LONP2: variants seen among roughly 807,000 people sequenced by gnomAD.
The protein encoded by LONP2 is lon peptidase 2, peroxisomal.
LONP2 carries 60 observed loss-of-function variants against 85.6 expected under a neutral mutation model. The observed-to-expected ratio is 0.70, with a 90% CI of 0.57 to 0.87. LONP2 has a LOEUF of 0.87. Ranked by LOEUF, LONP2 falls within the 40% of genes least tolerant of loss-of-function variation. The probability of loss-of-function intolerance (pLI) is 0.00; values close to 1 mark genes in which losing one functional copy is unlikely to be tolerated. For missense variants in LONP2, 860 were observed against 1,063.5 expected (o/e 0.81, Z 2.66); for synonymous variants, 395 against 389.7 (o/e 1.01, Z -0.16).
Position 48,327,982 on chromosome 16 carries a change from A to G in LONP2, c.1796-6234A>G, listed in dbSNP as rs1399280999. 1.3e-5 allele frequency among the ~76,000 whole-genome samples: 2 copies of G among 152,106 alleles called. 1 individual carries two copies. The highest frequency in any genetic ancestry group is 4.8e-5 in the African/African-American group (2 of 41,404). On this transcript the variant is annotated intron_variant, in intron 11 of 14. Transcript: ENST00000285737. ...TCTGTGGGATGCTGGGTAGAATGAG[A>G]TTGTAGAGAGCACTTTGTTTTCTTG...
At chr16:48,336,819 G>A (rs112491568) in intron 12 of LONP2, among the ~76,000 whole-genome samples, 1 of 152,204 alleles carries the variant, frequency 6.6e-6, no homozygotes, top group African/African-American at 2.4e-5. Context: ...GGTCACAGGG[G>A]ATATGATGGC....
intron 11 of LONP2, among the ~76,000 whole-genome samples, chr16:48,320,331 T>C (rs1973236921): frequency 1.3e-5 from 2 of 152,196 alleles, no homozygotes; most frequent in South Asian, 4.1e-4. Context: ...TTTCATCTTG[T>C]TCATTCTTAC....
chr16:48,250,692 C>T (rs951031247), intron 1 of LONP2, among the ~76,000 whole-genome samples: 2 of 152,176 alleles, frequency 1.3e-5, no homozygotes, highest in African/African-American at 4.8e-5. Flanking sequence ...GGACTGTGAG[C>T]TCTTTCAGCA....
At chr16:48,300,212 A>G (rs1972774238) in intron 10 of LONP2, among the ~76,000 whole-genome samples, 1 of 152,238 alleles carries the variant, frequency 6.6e-6, no homozygotes. Context: ...TGCTACTTTC[A>G]GATAATCTGA....
Position 48,255,872 on chromosome 16 carries a change from C to T in LONP2, c.469-738C>T, listed in dbSNP as rs367786431. On this transcript the variant is annotated intron_variant, in intron 2 of 14. Transcript: ENST00000285737. ...TCCCCAGCCATGTGGAACTGTGAGT[C>T]CATTAAACCTCTGTCTTTTATAAAT... Among the ~76,000 whole-genome samples the T allele has an allele frequency of 3.9e-5, 6 of 152,224 alleles. No homozygotes were observed. The East Asian group carries it at 1.2e-3, about 29-fold the overall frequency.
chr16:48,248,483 A>C (rs113285960), intron 1 of LONP2, among the ~76,000 whole-genome samples: 26 of 151,988 alleles, frequency 1.7e-4, no homozygotes, highest in African/African-American at 6.3e-4. Context: ...TACCTTCTTC[A>C]TGGGGTGAAG....
In LONP2 at chr16:48,258,490, A is replaced by G. The variant is rs1971809396; in HGVS notation, c.601-128A>G. ...TATAGTTCATTTGGTTGTCTTAGCC[A>G]TAGTGTAGCTTTGAATACTGTTAAT... is the stretch of plus-strand genomic sequence containing the variant. On this transcript the variant is annotated intron_variant, in intron 3 of 14. Coordinates refer to ENST00000285737, the MANE Select transcript of LONP2 (RefSeq NM_031490.5). The G allele has an allele frequency of 1.1e-5, 8 of 756,446 alleles. 1 individual carries two copies. The Middle Eastern group carries it at 1.2e-3, about 111-fold the overall frequency. 46.9% of individuals were successfully genotyped at this position (756,446 alleles called of 1,614,324 possible).
chr16:48,300,687 G>A lies in LONP2; in HGVS notation c.1661+899G>A, dbSNP rs184228388. Among the ~76,000 whole-genome samples the A allele has an allele frequency of 5.0e-3, 728 of 146,104 alleles. 4 individuals are homozygous for A. Among genetic ancestry groups the A allele is most frequent in the Non-Finnish European group, 8.9e-3 (586 of 66,096 alleles). ...TTTAGATTTATATACAAAGCAGTAA[G>A]ACTAAGTCTTACCTGGGGGTTCCTT... On this transcript the variant is annotated intron_variant, in intron 10 of 14. Coordinates refer to ENST00000285737, the MANE Select transcript of LONP2 (RefSeq NM_031490.5).
intron 7 of LONP2, 49 bp from the exon 8 acceptor site, chr16:48,277,289 C>T (rs764918867): frequency 1.3e-6 from 2 of 1,585,318 alleles, no homozygotes; most frequent in South Asian, 1.2e-5. Context: ...TGGCGTCGCT[C>T]CTGCCTCCTG....
Position 48,351,836 on chromosome 16 carries a change from T to A in LONP2, c.*34T>A. ...CTCAATTTTTTAGAATTTTAAGTTA[T>A]GAAGTGCTCAAAGGTACTGACACAG... On this transcript the variant is annotated 3_prime_UTR_variant, in exon 15 of 15. Coordinates refer to ENST00000285737, the MANE Select transcript of LONP2 (RefSeq NM_031490.5). 1.3e-5 allele frequency: 21 copies of A among 1,559,392 alleles called. No homozygotes were observed. Among genetic ancestry groups the A allele is most frequent in the Non-Finnish European group, 1.7e-5 (19 of 1,132,148 alleles).
At chr16:48,249,642 A>G (rs112547936) in intron 1 of LONP2, among the ~76,000 whole-genome samples, 1,859 of 148,782 alleles carry the variant, frequency 0.012, 40 homozygotes, top group African/African-American at 0.043. Context: ...TTGGGAGGCC[A>G]AGATGGGAGG....
At chr16:48,261,321 T>C (rs1971868619) in intron 4 of LONP2, 103 bp from the exon 5 acceptor site, 1 of 823,446 alleles carries the variant, frequency 1.2e-6, no homozygotes, top group Non-Finnish European at 1.8e-6. Flanking sequence ...ACTGTAGTCA[T>C]AAAAATATTT....
chr16:48,334,369 C>G lies in LONP2; in HGVS notation c.1938+11C>G, dbSNP rs759345561. The stretch of plus-strand genomic sequence containing the variant: ...ATGTATGAAATGGAGGTGATTCATT[C>G]TTTTTATTTCTTTTTGCTCCAGTCA... On this transcript the variant is annotated intron_variant, in intron 12 of 14. Transcript: ENST00000285737. The G allele has an allele frequency of 1.9e-6, 3 of 1,613,946 alleles. No individual in the cohort carries two copies. The highest frequency in any genetic ancestry group is 2.2e-5 in the East Asian group (1 of 44,892).
chr16:48,304,831 A>G (rs1972879152), intron 11 of LONP2, among the ~76,000 whole-genome samples: 3 of 152,250 alleles, frequency 2.0e-5, no homozygotes, highest in Middle Eastern at 3.2e-3. Context: ...CATGAGTTGT[A>G]GGGAATTGAC....
At chr16:48,328,070 T>C (rs1277478018) in intron 11 of LONP2, among the ~76,000 whole-genome samples, 1 of 151,970 alleles carries the variant, frequency 6.6e-6, no homozygotes, top group African/African-American at 2.4e-5. Flanking sequence ...AATATTACTC[T>C]AAAAAGGGAG....
At chr16:48,263,200 G>A (rs1377520879) in intron 6 of LONP2, among the ~76,000 whole-genome samples, 1 of 151,710 alleles carries the variant, frequency 6.6e-6, no homozygotes, top group Admixed American at 6.6e-5. Context: ...TTTTCTTTTG[G>A]TGCTGGTGGT....
chr16:48,285,631 A>G (rs1972423632), intron 8 of LONP2, among the ~76,000 whole-genome samples: 1 of 152,146 alleles, frequency 6.6e-6, no homozygotes, highest in African/African-American at 2.4e-5. Context: ...CAGCCCCTCT[A>G]GTGAATTTTT....
chr16:48,244,574 C>A lies in LONP2; in HGVS notation c.186C>A (p.Asn62Lys). ...GCACCATCCTGGGCGTCATCCCCAACACGCCTGACCCCGCCAGCGACGCGC... is the reference window on the plus strand; with the variant it reads ...GCACCATCCTGGGCGTCATCCCCAAAACGCCTGACCCCGCCAGCGACGCGC... ...LQSTILGVIPNTPDPASDAQD... is the reference protein window; with the variant it reads ...LQSTILGVIPKTPDPASDAQD... Residue 62 changes from asparagine (N) to lysine (K), a missense_variant, in exon 1 of 15, where the codon AAC becomes AAA. Around this residue, in one of 3 missense-constraint regions of LONP2, gnomAD observed 743 missense variants for 917.3 expected, o/e 0.81. Coordinates refer to ENST00000285737, the MANE Select transcript of LONP2 (RefSeq NM_031490.5). 6.6e-7 allele frequency: 1 copy of A among 1,507,596 alleles called. No individual in the cohort carries two copies. Among genetic ancestry groups the A allele is most frequent in the Non-Finnish European group, 8.8e-7 (1 of 1,130,508 alleles). 93.4% of individuals were successfully genotyped at this position (1,507,596 alleles called of 1,614,324 possible).
At chr16:48,321,537 A>C (rs964485708) in intron 11 of LONP2, among the ~76,000 whole-genome samples, 1 of 152,186 alleles carries the variant, frequency 6.6e-6, no homozygotes. Context: ...TGTTCTGAGA[A>C]GTGCATCCCT....
Sources: gnomAD v4.1 joint callset for allele counts (sites outside exome capture counted in the v4.1 genomes callset) on GRCh38, gnomAD v4.1.1 for gene constraint, gnomAD v4.1.1 regional missense constraint, MANE v1.5 for transcripts, NCBI Gene and HGNC (gene_info 2026-07-23, HGNC 2026-07-21) for gene names.